GULP1: variants seen among roughly 807,000 people sequenced by gnomAD.
GULP1 encodes the protein GULP PTB domain containing engulfment adaptor 1, also known as PTB domain-containing engulfment adapter protein 1.
Under a neutral mutation model 40.9 loss-of-function variants are expected in GULP1, and 19 were observed. The observed-to-expected ratio is 0.46, with a 90% confidence interval of 0.32 to 0.68. GULP1 has a LOEUF of 0.68. Ranked by LOEUF, GULP1 falls within the 30% of genes least tolerant of loss-of-function variation. The pLI, the probability that GULP1 is intolerant of heterozygous loss-of-function variation, is 0.03. For synonymous variants in GULP1, 119 were observed against 117.6 expected (o/e 1.01, Z -0.08); for missense variants, 312 against 362.2 (o/e 0.86, Z 1.12).
rs375025674 is a variant in GULP1, at chr2:188,377,059, C to A, written c.-171-6704C>A. On this transcript the variant is annotated intron_variant, in intron 1 of 11. Transcript: ENST00000409830. ...TGGTGGCACATGCCTGTAGTCCCAG[C>A]TACTTGGGAGGCTGAGGCAGGAGAA... is the stretch of plus-strand genomic sequence containing the variant. Among the ~76,000 whole-genome samples the A allele has an allele frequency of 1.7e-4, 26 of 152,072 alleles. 2 individuals carry two copies. In the East Asian group the frequency reaches 5.0e-3, roughly 29 times the overall value.
chr2:188,345,813 G>T (rs2152235763), intron 1 of GULP1, among the ~76,000 whole-genome samples: 1 of 152,222 alleles, frequency 6.6e-6, no homozygotes, highest in African/African-American at 2.4e-5. Context: ...GATGTATTTT[G>T]GTCTTATTCC....
At chr2:188,593,807 A>G (rs1704057659) in intron 11 of GULP1, 133 bp from the exon 12 acceptor site, 1 of 601,196 alleles carries the variant, frequency 1.7e-6, no homozygotes, top group South Asian at 2.2e-5. Flanking sequence ...CAGCAAGTCA[A>G]CATTTGACAT....
chr2:188,539,629 C>T (rs945507181), intron 6 of GULP1, among the ~76,000 whole-genome samples: 3 of 152,070 alleles, frequency 2.0e-5, no homozygotes, highest in African/African-American at 4.8e-5. Flanking sequence ...CTACAATATA[C>T]TTCCTTATTT....
At chr2:188,338,438 G>A (rs1217872194) in intron 1 of GULP1, among the ~76,000 whole-genome samples, 6 of 151,822 alleles carry the variant, frequency 4.0e-5, no homozygotes, top group East Asian at 1.9e-4. Context: ...CCAAGTAGCC[G>A]GAACTACAAG....
chr2:188,539,937 T>G (rs2153310802), intron 6 of GULP1, among the ~76,000 whole-genome samples: 1 of 152,204 alleles, frequency 6.6e-6, no homozygotes, highest in African/African-American at 2.4e-5. Flanking sequence ...AGTGTAAATT[T>G]TTATAGCAAG....
intron 2 of GULP1, among the ~76,000 whole-genome samples, chr2:188,388,613 G>A (rs541323148): frequency 6.6e-6 from 1 of 152,202 alleles, no homozygotes; most frequent in South Asian, 2.1e-4. Context: ...GACTAATGAA[G>A]AGAGAGCAGC....
At chr2:188,414,044 C>G (rs1489189086) in intron 2 of GULP1, among the ~76,000 whole-genome samples, 1 of 151,674 alleles carries the variant, frequency 6.6e-6, no homozygotes, top group African/African-American at 2.4e-5. Flanking sequence ...TGGTGAAACC[C>G]CATCTCTACT....
At chr2:188,464,872 T>C (rs2059988483) in intron 2 of GULP1, among the ~76,000 whole-genome samples, 1 of 152,118 alleles carries the variant, frequency 6.6e-6, no homozygotes, top group South Asian at 2.1e-4. Flanking sequence ...TTCTAGTGAA[T>C]GTTGTCAAGC....
At chr2:188,400,119 A>G (rs1410810972) in intron 2 of GULP1, among the ~76,000 whole-genome samples, 1 of 152,100 alleles carries the variant, frequency 6.6e-6, no homozygotes, top group Admixed American at 6.6e-5. Flanking sequence ...TGTCCCTCCA[A>G]AGGCTCTAGG....
At chr2:188,575,007 A>G (rs755942182) in intron 9 of GULP1, among the ~76,000 whole-genome samples, 2 of 152,194 alleles carry the variant, frequency 1.3e-5, no homozygotes, top group Non-Finnish European at 2.9e-5. Context: ...TCAGTCACTT[A>G]TATGTTATAT....
At chr2:188,377,758 C>T (rs940563847) in intron 1 of GULP1, among the ~76,000 whole-genome samples, 6 of 152,104 alleles carry the variant, frequency 3.9e-5, no homozygotes, top group African/African-American at 1.4e-4. Flanking sequence ...TGGGCAAAAG[C>T]TAATGCTACG....
chr2:188,479,273 G>A (rs572481065), intron 3 of GULP1, among the ~76,000 whole-genome samples: 1 of 152,160 alleles, frequency 6.6e-6, no homozygotes, highest in East Asian at 1.9e-4. Context: ...ACTCTGGGAA[G>A]CTAGAAATTT....
rs1385005151 is a variant in GULP1, at chr2:188,292,085, A to C, written c.-253A>C. ...GGAGACGGCGCCCCGGCCGTGCCGG[A>C]GTGGAGATCGCCAGGCTCGGAGGAA... is the stretch of plus-strand genomic sequence containing the variant. On this transcript the variant is annotated 5_prime_UTR_variant, in exon 1 of 12. Transcript: ENST00000409830. The surrounding 1 kb of genome is among the most constrained non-coding windows in gnomAD (Gnocchi z 4.0). 6 of 152,312 alleles carry C rather than the reference A, an allele frequency of 3.9e-5. No homozygotes were observed. Among genetic ancestry groups the C allele is most frequent in the Non-Finnish European group, 8.8e-5 (6 of 68,148 alleles). 9.4% of individuals were successfully genotyped at this position (152,312 alleles called of 1,614,324 possible).
chr2:188,471,179 C>CT (rs1050758133), intron 2 of GULP1, among the ~76,000 whole-genome samples: 9 of 152,078 alleles, frequency 5.9e-5, no homozygotes, highest in Non-Finnish European at 1.0e-4. Flanking sequence ...TACTCCTACT[C>CT]TTTTTTGGTT....
intron 1 of GULP1, among the ~76,000 whole-genome samples, chr2:188,315,900 T>C (rs1259454419): frequency 6.6e-6 from 1 of 152,086 alleles, no homozygotes; most frequent in African/African-American, 2.4e-5. Context: ...TGATTGAGGG[T>C]AATTGAGCCA....
chr2:188,559,089 C>T (rs760061900), intron 7 of GULP1, among the ~76,000 whole-genome samples: 1 of 152,202 alleles, frequency 6.6e-6, no homozygotes, highest in Non-Finnish European at 1.5e-5. Context: ...ATCCCCAAGA[C>T]AATGGGGAAA....
intron 1 of GULP1, among the ~76,000 whole-genome samples, chr2:188,301,798 A>G (rs2036183273): frequency 6.6e-6 from 1 of 152,200 alleles, no homozygotes; most frequent in Non-Finnish European, 1.5e-5. Context: ...TATCTGGAAT[A>G]CATGCTTCTT....
chr2:188,317,793 GA>G (rs988665964), intron 1 of GULP1, among the ~76,000 whole-genome samples: 227 of 140,784 alleles, frequency 1.6e-3, no homozygotes, highest in African/African-American at 3.9e-3. Flanking sequence ...GTGAATTAGT[GA>G]GGTTTTTTTT....
At chr2:188,509,016 A>G (rs1396207027) in intron 4 of GULP1, among the ~76,000 whole-genome samples, 2 of 152,198 alleles carry the variant, frequency 1.3e-5, no homozygotes, top group East Asian at 3.9e-4. Context: ...TTCAAAGCTT[A>G]AGTCCACGTG....
Sources: allele counts gnomAD v4.1 joint callset (sites outside exome capture counted in the v4.1 genomes callset), GRCh38; gene constraint gnomAD v4.1.1; non-coding constraint Gnocchi (gnomAD v3.1); transcripts MANE v1.5; gene names NCBI Gene and HGNC (gene_info 2026-07-23, HGNC 2026-07-21).